The following UBXN8 variants were observed in gnomAD, a reference collection of about 807,000 sequenced individuals.
The protein encoded by UBXN8 is UBX domain-containing protein 8.
In UBXN8, 27 loss-of-function variants were observed where a neutral mutation model predicts 32.1. That is an observed-to-expected ratio of 0.84 (90% confidence interval 0.62 to 1.16). UBXN8 has a LOEUF of 1.16. Ranked by LOEUF, UBXN8 falls within the 50% of genes most tolerant of loss-of-function variation. The probability of loss-of-function intolerance (pLI) is 0.00; values close to 1 mark genes in which losing one functional copy is unlikely to be tolerated. For synonymous variants in UBXN8, 109 were observed against 111.8 expected (o/e 0.98, Z 0.16); for missense variants, 306 against 311.4 (o/e 0.98, Z 0.13).
At chr8:30,754,487 G>T in intron 3 of UBXN8, 178 bp from the exon 4 acceptor site, 1 of 734,632 alleles carries the variant, frequency 1.4e-6, no homozygotes, top group Non-Finnish European at 2.3e-6. Flanking sequence ...TGCCTGTCCC[G>T]CTTGCTGTCC....
At chr8:30,750,328 C>T (rs1015381313) in intron 1 of UBXN8, among the ~76,000 whole-genome samples, 7 of 151,972 alleles carry the variant, frequency 4.6e-5, no homozygotes, top group African/African-American at 1.4e-4. Flanking sequence ...AGAAATTAGC[C>T]GGGTGTGGTG....
Position 30,738,887 on chromosome 8 carries a change from CAG to C in UBXN8, c.622+5580_622+5581del, listed in dbSNP as rs137918030. 7.4e-4 allele frequency among the ~76,000 whole-genome samples: 111 copies of C among 149,430 alleles called. 4 individuals are homozygous for C. The East Asian group carries it at 0.02, about 26-fold the overall frequency. ...AGGAGAATCGCTTGAACCTGGGAGA[CAG>C]GGGTTACAGTGAGCTGAGATTGTGC... On this transcript the variant is annotated intron_variant, in intron 1 of 1. Coordinates refer to the UBXN8 transcript ENST00000522968.
chr8:30,748,964 AG>A (rs1805438642), intron 1 of UBXN8, among the ~76,000 whole-genome samples: 1 of 152,246 alleles, frequency 6.6e-6, no homozygotes, highest in Non-Finnish European at 1.5e-5. Context: ...ACACAAAACG[AG>A]TAAAAATTCC....
At chr8:30,729,180 T>C (rs188169112), upstream of UBXN8, among the ~76,000 whole-genome samples, 15 of 152,298 alleles carry the variant, frequency 9.8e-5, no homozygotes, top group East Asian at 2.7e-3. Context: ...TGCGGGGAAC[T>C]CCCGCCAGCT....
At chr8:30,738,456 G>A (rs1285238443) in intron 1 of UBXN8, among the ~76,000 whole-genome samples, 4 of 150,866 alleles carry the variant, frequency 2.7e-5, no homozygotes, top group African/African-American at 4.9e-5. Context: ...TTAGGAGCTC[G>A]AGACCATCCT....
At chr8:30,744,144 G>T (rs751097700), upstream of UBXN8, 10 of 1,583,590 alleles carry the variant, frequency 6.3e-6, no homozygotes, top group South Asian at 9.1e-5. Flanking sequence ...GGAAAACGCG[G>T]CCGGAAGGGG....
At position 30,749,410 on chromosome 8, in the gene UBXN8, T is replaced by TA. The variant is rs1405507538; in HGVS notation, c.89-1983dup. ...TCCGTCTCAAAAAAAAAAAATAAAA[T>TA]AAATAAATAAATAAATAGACCAAAT... On this transcript the variant is annotated intron_variant, in intron 1 of 7. Transcript: ENST00000265616. Among the ~76,000 whole-genome samples, 15 of 48,758 alleles carry TA rather than the reference T, an allele frequency of 3.1e-4. No homozygotes were observed. In the South Asian group the frequency reaches 4.3e-3, roughly 14 times the overall value. The allele number at this position is 48,758 out of a possible 152,430, so 32.0% of individuals were successfully genotyped here.
At chr8:30,749,592 G>A (rs1032273873) in intron 1 of UBXN8, among the ~76,000 whole-genome samples, 23 of 136,010 alleles carry the variant, frequency 1.7e-4, no homozygotes, top group Non-Finnish European at 3.4e-4. Flanking sequence ...AATTTGACAC[G>A]ATATTTTCTT....
intron 1 of UBXN8, among the ~76,000 whole-genome samples, chr8:30,746,790 C>T (rs2128753196): frequency 7.2e-6 from 1 of 139,820 alleles, no homozygotes; most frequent in South Asian, 2.5e-4. Context: ...TCCCAAAGTG[C>T]TGGGATTACA....
chr8:30,751,445 T>C lies in UBXN8; in HGVS notation c.138T>C (p.Ala46=). The C allele has an allele frequency of 6.2e-7, 1 of 1,601,300 alleles. No individual in the cohort carries two copies. Among genetic ancestry groups the C allele is most frequent in the South Asian group, 1.1e-5 (1 of 90,256 alleles). ...GTGGCCGGATTTTGCTACTGCTTGC[T>C]CTTCTTACTTTAACTATTTCTGTGA... ...LLCGRILLLL[A]LLTLTISVTT... is the part of the protein sequence containing the mutation. Residue 46 remains alanine, a synonymous_variant, in exon 2 of 8, where the codon GCT becomes GCC. Coordinates refer to ENST00000265616, the MANE Select transcript of UBXN8 (RefSeq NM_005671.4).
chr8:30,756,746 G>A lies in UBXN8; in HGVS notation c.406-19G>A, dbSNP rs1168340633. ...GATAGAAAACATCTCTTTAGAAATTGTCTGTTGTGTTTGACCAGGGTGATG... is the reference window on the plus strand; with the variant it reads ...GATAGAAAACATCTCTTTAGAAATTATCTGTTGTGTTTGACCAGGGTGATG... On this transcript the variant is annotated intron_variant, in intron 4 of 7. Transcript: ENST00000265616. The A allele has an allele frequency of 1.9e-6, 3 of 1,613,768 alleles. No homozygotes were observed. Among genetic ancestry groups the A allele is most frequent in the Admixed American group, 3.3e-5 (2 of 59,952 alleles).
upstream of UBXN8, chr8:30,732,128 G>T: frequency 3.1e-6 from 1 of 323,502 alleles, no homozygotes; most frequent in Non-Finnish European, 5.6e-6. Context: ...CAGTACACTT[G>T]GACCTGGCTT....
chr8:30,745,623 T>A (rs1805340824), intron 1 of UBXN8, among the ~76,000 whole-genome samples: 1 of 152,228 alleles, frequency 6.6e-6, no homozygotes, highest in Non-Finnish European at 1.5e-5. Context: ...CTGAAGCTTC[T>A]CACTCACTCA....
chr8:30,763,770 C>T (rs1013395192), intron 7 of UBXN8, among the ~76,000 whole-genome samples: 1 of 152,036 alleles, frequency 6.6e-6, no homozygotes, highest in African/African-American at 2.4e-5. Flanking sequence ...GCGGGCAGAT[C>T]ACTTGAGGTC....
intron 1 of UBXN8, 72 bp from the exon 2 acceptor site, chr8:30,751,324 G>C: frequency 7.6e-7 from 1 of 1,316,068 alleles, no homozygotes; most frequent in Non-Finnish European, 1.0e-6. Flanking sequence ...GACCAGCCTA[G>C]TCAACATAGT....
At chr8:30,730,233 C>T (rs977106988), upstream of UBXN8, among the ~76,000 whole-genome samples, 23 of 152,090 alleles carry the variant, frequency 1.5e-4, no homozygotes, top group African/African-American at 5.6e-4. Context: ...GAGAGAGCAG[C>T]GGTATACTGG....
chr8:30,758,869 A>G (rs1206113279), intron 5 of UBXN8, among the ~76,000 whole-genome samples: 2 of 150,330 alleles, frequency 1.3e-5, no homozygotes, highest in African/African-American at 4.9e-5. Flanking sequence ...ATTGGTAACA[A>G]ATGTTTTTTT....
At chr8:30,736,183 A>AT (rs1805066927) in intron 1 of UBXN8, among the ~76,000 whole-genome samples, 1 of 152,252 alleles carries the variant, frequency 6.6e-6, no homozygotes, top group Non-Finnish European at 1.5e-5. Context: ...AACAATAACT[A>AT]TAACTAAACG....
At chr8:30,764,387 C>G (rs987427078) in intron 7 of UBXN8, among the ~76,000 whole-genome samples, 1 of 152,286 alleles carries the variant, frequency 6.6e-6, no homozygotes, top group East Asian at 1.9e-4. Flanking sequence ...CCAGGCTGGT[C>G]TCAAACTCCT....
Sources: allele counts gnomAD v4.1 joint callset (sites outside exome capture counted in the v4.1 genomes callset), GRCh38; gene constraint gnomAD v4.1.1; transcripts MANE v1.5; gene names NCBI Gene and HGNC (gene_info 2026-07-23, HGNC 2026-07-21).